Variants in TMEM178B observed in about 807,000 individuals in gnomAD.
TMEM178B encodes transmembrane protein 178B.
TMEM178B carries 5 observed loss-of-function variants against 31.0 expected under a neutral mutation model. That is an observed-to-expected ratio of 0.16 (90% CI 0.08 to 0.34). TMEM178B has a LOEUF of 0.34. Ranked by LOEUF, TMEM178B falls within the 10% of genes least tolerant of loss-of-function variation. The probability of loss-of-function intolerance (pLI) is 1.00; values close to 1 mark genes in which losing one functional copy is unlikely to be tolerated. For missense variants in TMEM178B, 275 were observed against 400.3 expected (o/e 0.69, Z 2.67); for synonymous variants, 164 against 164.0 (o/e 1.00, Z 0.00).
intron 2 of TMEM178B, among the ~76,000 whole-genome samples, chr7:141,215,815 TTTCTTTCTTTCTTTCTTTC>T (rs1408347000): frequency 0.019 from 1,716 of 88,886 alleles, 24 homozygotes; most frequent in Middle Eastern, 0.074. Flanking sequence ...TCTTTCTTTC[TTTCTTTCTTTCTTTCTTTC>T]TTTCTTTTCT....
intron 2 of TMEM178B, among the ~76,000 whole-genome samples, chr7:141,341,740 T>C (rs1355316187): frequency 1.3e-4 from 20 of 151,432 alleles, no homozygotes. Flanking sequence ...TTCAAATGCA[T>C]CTCCTTTTAA....
At chr7:141,225,986 A>G (rs112244710) in intron 2 of TMEM178B, among the ~76,000 whole-genome samples, 2,602 of 152,146 alleles carry the variant, frequency 0.017, 79 homozygotes, top group African/African-American at 0.059. Flanking sequence ...CTGGCACCAA[A>G]TTAGAAATGA....
chr7:141,183,797 A>C (rs1796567289), intron 1 of TMEM178B, among the ~76,000 whole-genome samples: 1 of 152,232 alleles, frequency 6.6e-6, no homozygotes, highest in Admixed American at 6.5e-5. Context: ...TTGAGAAATA[A>C]GAGCATTTTC....
At chr7:141,227,755 GC>G (rs1797370171) in intron 2 of TMEM178B, among the ~76,000 whole-genome samples, 1 of 152,190 alleles carries the variant, frequency 6.6e-6, no homozygotes. Context: ...GAGGTCACCT[GC>G]TAAGGTGGTA....
chr7:141,121,166 C>T (rs961837263), intron 1 of TMEM178B, among the ~76,000 whole-genome samples: 3 of 152,008 alleles, frequency 2.0e-5, no homozygotes, highest in Non-Finnish European at 4.4e-5. Context: ...ATTATTATGA[C>T]TGTGTAAATA....
In TMEM178B at chr7:141,175,431, T is replaced by C. The variant is rs557700657; in HGVS notation, c.383-37160T>C. ...GCTTTGTTCTTTCTGCTTAGGATTG[T>C]CTTGGCTATGCATGCCCTTTTTTGG... On this transcript the variant is annotated intron_variant, in intron 1 of 3. Transcript: ENST00000565468. 2.0e-5 allele frequency among the ~76,000 whole-genome samples: 3 copies of C among 152,278 alleles called. No homozygotes were observed. The East Asian group carries it at 5.8e-4, about 29-fold the overall frequency.
chr7:141,510,791 C>A, the TMEM178B span, among the ~76,000 whole-genome samples: 1 of 149,034 alleles, frequency 6.7e-6, no homozygotes. Flanking sequence ...GTTTCCAAAG[C>A]TTCCAAGAGG....
intron 2 of TMEM178B, among the ~76,000 whole-genome samples, chr7:141,421,016 A>G (rs1017035215): frequency 6.6e-6 from 1 of 152,202 alleles, no homozygotes; most frequent in African/African-American, 2.4e-5. Flanking sequence ...TAAAGTAAGA[A>G]CTAGAAGAAG....
the TMEM178B span, among the ~76,000 whole-genome samples, chr7:141,493,479 C>T: frequency 2.6e-5 from 4 of 152,168 alleles, no homozygotes; most frequent in African/African-American, 9.7e-5. Context: ...AAGCATCCAG[C>T]TCATGGAGAA....
At chr7:141,341,246 C>T (rs1206315601) in intron 2 of TMEM178B, among the ~76,000 whole-genome samples, 1 of 152,178 alleles carries the variant, frequency 6.6e-6, no homozygotes, top group Non-Finnish European at 1.5e-5. Flanking sequence ...AATAAGATGA[C>T]ATCTAAGGAT....
chr7:141,173,685 G>A (rs986523326), intron 1 of TMEM178B, among the ~76,000 whole-genome samples: 6 of 152,150 alleles, frequency 3.9e-5, no homozygotes, highest in African/African-American at 1.4e-4. Flanking sequence ...TGTGTTGAGG[G>A]AAGGATTCTG....
At chr7:141,241,189 G>A (rs1797612570) in intron 2 of TMEM178B, among the ~76,000 whole-genome samples, 1 of 151,296 alleles carries the variant, frequency 6.6e-6, no homozygotes, top group African/African-American at 2.4e-5. Context: ...CCCCTTCTGA[G>A]TCTCTGAAGT....
At chr7:141,278,859 G>C (rs1389168258) in intron 2 of TMEM178B, among the ~76,000 whole-genome samples, 1 of 152,126 alleles carries the variant, frequency 6.6e-6, no homozygotes, top group South Asian at 2.1e-4. Flanking sequence ...AAGTTCCAAC[G>C]GGCAAAATAA....
At position 141,360,000 on chromosome 7, in the gene TMEM178B, G is replaced by A. The variant is rs149515231; in HGVS notation, c.497-77608G>A. Among the ~76,000 whole-genome samples, 740 of 152,198 alleles carry A rather than the reference G, an allele frequency of 4.9e-3. 9 individuals carry two copies. The highest frequency in any genetic ancestry group is 0.017 in the African/African-American group (700 of 41,524). ...CCCATGAGAACAGTATGAGGAAACC[G>A]CCTTCATGATTCAATTATCTCCCAC... is the stretch of plus-strand genomic sequence containing the variant. On this transcript the variant is annotated intron_variant, in intron 2 of 3. Coordinates refer to ENST00000565468, the MANE Select transcript of TMEM178B (RefSeq NM_001195278.2).
Position 141,470,832 on chromosome 7 carries a change from A to ATGT in TMEM178B, c.*46_*47insTGT. 1 of 960,786 alleles carries ATGT rather than the reference A, an allele frequency of 1.0e-6. No individual in the cohort carries two copies. The highest frequency in any genetic ancestry group is 1.3e-6 in the Non-Finnish European group (1 of 773,974). 59.5% of individuals were successfully genotyped at this position (960,786 alleles called of 1,614,324 possible). A position where few individuals can be genotyped will look rare whatever the true frequency, so the allele number is the denominator to read the frequency against. ...TATATATATATAAATATATATATATAATATACATATATAAAACAAAACAAA... is the reference window on the plus strand; with the variant it reads ...TATATATATATAAATATATATATATATGTATATACATATATAAAACAAAACAAA... On this transcript the variant is annotated 3_prime_UTR_variant, in exon 4 of 4. Transcript: ENST00000565468.
At chr7:141,156,411 A>G (rs1796070380) in intron 1 of TMEM178B, among the ~76,000 whole-genome samples, 1 of 152,230 alleles carries the variant, frequency 6.6e-6, no homozygotes, top group Non-Finnish European at 1.5e-5. Context: ...AGCAGAGAAC[A>G]TGCAAAGTCC....
At chr7:141,109,114 CAT>C (rs1430416523) in intron 1 of TMEM178B, among the ~76,000 whole-genome samples, 2 of 152,144 alleles carry the variant, frequency 1.3e-5, no homozygotes, top group African/African-American at 4.8e-5. Flanking sequence ...CCTCCCACAA[CAT>C]GTGGGAATTA....
chr7:141,425,030 G>A (rs1352525686), intron 2 of TMEM178B, among the ~76,000 whole-genome samples: 1 of 152,140 alleles, frequency 6.6e-6, no homozygotes, highest in Non-Finnish European at 1.5e-5. Flanking sequence ...AAATCTCTTT[G>A]TCTCAATTTC....
At chr7:141,445,106 G>A (rs1225606242) in intron 3 of TMEM178B, among the ~76,000 whole-genome samples, 2 of 152,194 alleles carry the variant, frequency 1.3e-5, no homozygotes, top group African/African-American at 2.4e-5. Flanking sequence ...CAGGGGGAAT[G>A]AAGAGAATGC....
Sources: gnomAD v4.1 joint callset for allele counts (sites outside exome capture counted in the v4.1 genomes callset) on GRCh38, gnomAD v4.1.1 for gene constraint, MANE v1.5 for transcripts, NCBI Gene and HGNC (gene_info 2026-07-23, HGNC 2026-07-21) for gene names.